BLOC1S2: variants seen among roughly 807,000 people sequenced by gnomAD.
BLOC1S2 encodes biogenesis of lysosomal organelles complex 1 subunit 2, also known as biogenesis of lysosome-related organelles complex 1 subunit 2.
BLOC1S2 carries 12 observed loss-of-function variants against 19.6 expected under a neutral mutation model. That is an observed-to-expected ratio of 0.61 (90% CI 0.39 to 0.99). The LOEUF is 0.99. Ranked by LOEUF, BLOC1S2 falls within the 50% of genes least tolerant of loss-of-function variation. The pLI, the probability that BLOC1S2 is intolerant of heterozygous loss-of-function variation, is 0.00. For synonymous variants in BLOC1S2, 66 were observed against 64.1 expected (o/e 1.03, Z -0.14); for missense variants, 142 against 171.0 (o/e 0.83, Z 0.95).
chr10:100,281,093 G>C, intron 2 of BLOC1S2, 40 bp from the exon 3 acceptor site: 1 of 1,604,318 alleles, frequency 6.2e-7, no homozygotes, highest in South Asian at 1.1e-5. Context: ...TTTAAGATTT[G>C]TCTTAAATCA....
rs1163879331 is a variant in BLOC1S2 at position 100,286,637 on chromosome 10, A to G, written c.23T>C (p.Val8Ala). 2 of 1,610,926 alleles carry G rather than the reference A, an allele frequency of 1.2e-6. No homozygotes were observed. The highest frequency in any genetic ancestry group is 1.3e-5 in the African/African-American group (1 of 74,786). Residue 8 changes from valine (V) to alanine (A), a missense_variant, in exon 1 of 5, where the codon GTA (valine) becomes GCA (alanine). Coordinates refer to ENST00000370372, the MANE Select transcript of BLOC1S2 (RefSeq NM_173809.5). The part of the protein sequence containing the change: MAAAAEG[V>A]LATRSDEPAR... Reference sequence around the variant, plus strand: ...GGGCTCATCACTCCGGGTCGCCAGTACGCCCTCGGCTGCCGCCGCCATAGC... The same window carrying G: ...GGGCTCATCACTCCGGGTCGCCAGTGCGCCCTCGGCTGCCGCCGCCATAGC...
intron 2 of BLOC1S2, among the ~76,000 whole-genome samples, chr10:100,282,166 CCTCT>C (rs201242126): frequency 0.011 from 1,663 of 152,288 alleles, 36 homozygotes; most frequent in East Asian, 0.036. Context: ...CTGGCACCTT[CCTCT>C]CTATGTATCA....
intron 1 of BLOC1S2, 99 bp downstream of exon 1, chr10:100,286,506 C>T: frequency 1.9e-6 from 3 of 1,547,248 alleles, no homozygotes; most frequent in Non-Finnish European, 2.6e-6. Flanking sequence ...CTCACCAGCC[C>T]GTTCCTGCCA....
chr10:100,276,275 AAAAC>A (rs1469066959), intron 4 of BLOC1S2, among the ~76,000 whole-genome samples: 2 of 150,982 alleles, frequency 1.3e-5, no homozygotes, highest in East Asian at 3.9e-4. Context: ...TATAAGGACA[AAAAC>A]AAACTCAGGC....
rs192154847 is a variant in BLOC1S2 at position 100,285,931 on chromosome 10, T to A, written c.172+166A>T. On this transcript the variant is annotated intron_variant, in intron 2 of 4. Transcript: ENST00000370372. ...CTCATTAGTCTATGTTACAGAGGCCTGCAGAGTTGTATTTTCTTTCTCTCC... is the reference window on the plus strand; with the variant it reads ...CTCATTAGTCTATGTTACAGAGGCCAGCAGAGTTGTATTTTCTTTCTCTCC... 3.0e-3 allele frequency among the ~76,000 whole-genome samples: 458 copies of A among 152,330 alleles called. 4 individuals carry two copies. Among genetic ancestry groups the A allele is most frequent in the African/African-American group, 0.011 (447 of 41,560 alleles).
Position 100,286,139 on chromosome 10 carries a change from T to C in BLOC1S2, c.130A>G (p.Met44Val). The C allele has an allele frequency of 6.2e-7, 1 of 1,614,052 alleles. No individual in the cohort carries two copies. The highest frequency in any genetic ancestry group is 2.2e-5 in the East Asian group (1 of 44,858). ...EADITELCRD[M>V]FSKMATYLTG... ...AGGTAAGTGGCCATTTTGGAGAACA[T>C]GTCCCGGCAGAGCTCAGTGATGTCA... The change falls in exon 2 of 5, where the codon ATG becomes GTG. Residue 44 changes from methionine to valine, a missense_variant. By Grantham distance (21) the Met-to-Val change is conservative. Around this residue, in one of 2 missense-constraint regions of BLOC1S2, gnomAD observed 94 missense variants for 141.3 expected, o/e 0.67. Coordinates refer to ENST00000370372, the MANE Select transcript of BLOC1S2 (RefSeq NM_173809.5).
chr10:100,277,396 G>A (rs1211611946), intron 4 of BLOC1S2, among the ~76,000 whole-genome samples: 14 of 145,058 alleles, frequency 9.7e-5, no homozygotes, highest in South Asian at 9.0e-4. Flanking sequence ...CTGCCCGGCC[G>A]CCCCTACTGG....
chr10:100,284,274 T>C lies in BLOC1S2; in HGVS notation c.172+1823A>G, dbSNP rs563600086. Among the ~76,000 whole-genome samples, 12 of 152,350 alleles carry C rather than the reference T, an allele frequency of 7.9e-5. No homozygotes were observed. The South Asian group carries it at 2.5e-3, about 32-fold the overall frequency. On this transcript the variant is annotated intron_variant, in intron 2 of 4. Transcript: ENST00000370372. Reference sequence around the variant, plus strand: ...TATAGCCTTGAAAGAATGCAGGGGCTAGTAGCGCCAAATCTTTGGAATTGT... The same window carrying C: ...TATAGCCTTGAAAGAATGCAGGGGCCAGTAGCGCCAAATCTTTGGAATTGT...
Position 100,275,328 on chromosome 10 carries a change from T to G in BLOC1S2, c.*134A>C. Reference sequence around the variant, plus strand: ...ACAGTCCTCCAGTTTACTCGAACGTTGAGATGTTCCTGTGATGACCAGCAT... The same window carrying G: ...ACAGTCCTCCAGTTTACTCGAACGTGGAGATGTTCCTGTGATGACCAGCAT... On this transcript the variant is annotated 3_prime_UTR_variant, in exon 5 of 5. Coordinates refer to ENST00000370372, the MANE Select transcript of BLOC1S2 (RefSeq NM_173809.5). The G allele has an allele frequency of 2.4e-4, 204 of 863,298 alleles. No homozygotes were observed. Among genetic ancestry groups the G allele is most frequent in the Non-Finnish European group, 3.2e-4 (179 of 556,372 alleles). The allele number at this position is 863,298 out of a possible 1,614,324, so 53.5% of individuals were successfully genotyped here. A position where few individuals can be genotyped will look rare whatever the true frequency, so the allele number is the denominator to read the frequency against.
intron 4 of BLOC1S2, among the ~76,000 whole-genome samples, chr10:100,276,328 T>TCTCCCTCTCC (rs1564870940): frequency 5.5e-5 from 2 of 36,212 alleles, no homozygotes; most frequent in African/African-American, 1.5e-4. Context: ...TCTCCCTCTC[T>TCTCCCTCTCC]CTCTCCCGTC....
Position 100,286,103 on chromosome 10 carries a change from G to A in BLOC1S2, c.166C>T (p.Leu56=). 1 of 1,613,950 alleles carries A rather than the reference G, an allele frequency of 6.2e-7. No homozygotes were observed. The highest frequency in any genetic ancestry group is 8.5e-7 in the Non-Finnish European group (1 of 1,179,946). Reference sequence around the variant, plus strand: ...AACCCAGACCCCGCCTCACCCGTCAGTTCCCCAGTCAGGTAAGTGGCCATT... The same window carrying A: ...AACCCAGACCCCGCCTCACCCGTCAATTCCCCAGTCAGGTAAGTGGCCATT... ...SKMATYLTGE[L]TATSEDYKLL... The change falls in exon 2 of 5, where the codon CTG becomes TTG. Residue 56 remains leucine, a synonymous_variant. Coordinates refer to ENST00000370372, the MANE Select transcript of BLOC1S2 (RefSeq NM_173809.5).
At chr10:100,281,693 A>AAATGT in intron 2 of BLOC1S2, among the ~76,000 whole-genome samples, 1 of 138,884 alleles carries the variant, frequency 7.2e-6, no homozygotes, top group African/African-American at 2.8e-5. Flanking sequence ...AAAAAAAAAA[A>AAATGT]ATATATATAT....
In BLOC1S2 at chr10:100,275,107, T is replaced by C. The variant is rs1382871595; in HGVS notation, c.*355A>G. ...CATAGTAACTAAAAAACCAGCCACT[T>C]AAGAAAATAATGTAGTAATCAACCA... On this transcript the variant is annotated 3_prime_UTR_variant, in exon 5 of 5. Transcript: ENST00000370372. The C allele has an allele frequency of 2.5e-6, 1 of 401,178 alleles. No individual in the cohort carries two copies. The highest frequency in any genetic ancestry group is 4.4e-6 in the Non-Finnish European group (1 of 227,382). The allele number at this position is 401,178 out of a possible 1,614,324, so 24.9% of individuals were successfully genotyped here. A position where few individuals can be genotyped will look rare whatever the true frequency, so the allele number is the denominator to read the frequency against.
At chr10:100,286,006 G>C in intron 2 of BLOC1S2, 91 bp downstream of exon 2, 2 of 1,529,262 alleles carry the variant, frequency 1.3e-6, no homozygotes, top group Non-Finnish European at 1.8e-6. Flanking sequence ...GGGCATGCAG[G>C]GTAGGAAGGG....
Position 100,273,578 on chromosome 10 carries a change from T to A in BLOC1S2, c.*1884A>T, listed in dbSNP as rs961410587. The stretch of plus-strand genomic sequence containing the variant: ...GGCTGGGTGCGGTGGCTCACACCTG[T>A]AATCCCAGCACTTTGGGAGGCCGAG... On this transcript the variant is annotated 3_prime_UTR_variant, in exon 5 of 5. Transcript: ENST00000370372. 6.6e-6 allele frequency: 1 copy of A among 152,226 alleles called. No homozygotes were observed. The highest frequency in any genetic ancestry group is 1.5e-5 in the Non-Finnish European group (1 of 68,056). The allele number at this position is 152,226 out of a possible 1,614,324, so 9.4% of individuals were successfully genotyped here.
chr10:100,284,048 C>A (rs1848175677), intron 2 of BLOC1S2, among the ~76,000 whole-genome samples: 2 of 152,162 alleles, frequency 1.3e-5, no homozygotes, highest in Non-Finnish European at 2.9e-5. Context: ...TCCTCTTAGC[C>A]CATCATTTAC....
chr10:100,286,063 A>C lies in BLOC1S2; in HGVS notation c.172+34T>G, dbSNP rs929974088. ...ACCATCTCCCAGGCCTCCTGGGCCA[A>C]ACCGCACCCGAATCAACCCAGACCC... On this transcript the variant is annotated intron_variant, in intron 2 of 4. Coordinates refer to ENST00000370372, the MANE Select transcript of BLOC1S2 (RefSeq NM_173809.5). 3 of 1,610,210 alleles carry C rather than the reference A, an allele frequency of 1.9e-6. No homozygotes were observed. The African/African-American group carries it at 4.0e-5, about 22-fold the overall frequency.
rs1274885561 is a variant in BLOC1S2, at chr10:100,281,029, A to T, written c.197T>A (p.Leu66Gln). Residue 66 changes from leucine (L) to glutamine (Q), a missense_variant, in exon 3 of 5, where the codon CTG becomes CAG. By Grantham distance (113) the Leu-to-Gln change is moderately radical. Around this residue, in one of 2 missense-constraint regions of BLOC1S2, gnomAD observed 94 missense variants for 141.3 expected, o/e 0.67. Transcript: ENST00000370372. The part of the protein sequence containing the change: ...LTATSEDYKL[L>Q]ENMNKLTSLK... ...GCTGGTGAGTTTATTCATATTTTCC[A>T]GGAGCTTATAGTCTTCACTGGTGGC... 1 of 1,613,398 alleles carries T rather than the reference A, an allele frequency of 6.2e-7. No individual in the cohort carries two copies. The highest frequency in any genetic ancestry group is 1.3e-5 in the African/African-American group (1 of 74,908).
chr10:100,286,230 T>G lies in BLOC1S2; in HGVS notation c.56-17A>C. The G allele has an allele frequency of 6.2e-7, 1 of 1,612,506 alleles. No individual in the cohort carries two copies. Among genetic ancestry groups the G allele is most frequent in the African/African-American group, 1.3e-5 (1 of 74,998 alleles). On this transcript the variant is annotated splice_polypyrimidine_tract_variant and intron_variant, in intron 1 of 4. Transcript: ENST00000370372. ...CGGCATCGTCTGGGCCAAGGGAGAA[T>G]GACTAAGTGTCCCGCCTACACCCGG...
Sources: gnomAD v4.1 joint callset for allele counts (sites outside exome capture counted in the v4.1 genomes callset) on GRCh38, gnomAD v4.1.1 for gene constraint, gnomAD v4.1.1 regional missense constraint, MANE v1.5 for transcripts, NCBI Gene and HGNC (gene_info 2026-07-23, HGNC 2026-07-21) for gene names.